Variants in DGKI observed in about 807,000 individuals in gnomAD.
The protein encoded by DGKI is DAG kinase iota.
DGKI carries 55 observed loss-of-function variants against 147.5 expected under a neutral mutation model. The ratio of observed to expected loss-of-function variants is 0.37; its 90% CI spans 0.30 to 0.47. The LOEUF is 0.47. DGKI is among the 20% of genes least tolerant of loss of function. The probability of loss-of-function intolerance (pLI) is 1.00; values close to 1 mark genes in which losing one functional copy is unlikely to be tolerated. For synonymous variants in DGKI, 469 were observed against 477.1 expected, an observed-to-expected ratio of 0.98 and a Z score of 0.22; for missense variants, 1,007 against 1,323.8, an observed-to-expected ratio of 0.76 and a Z score of 3.71.
intron 20 of DGKI, among the ~76,000 whole-genome samples, chr7:137,533,194 C>T (rs564997677): frequency 6.6e-6 from 1 of 151,978 alleles, no homozygotes; most frequent in South Asian, 2.1e-4. Context: ...GAGGCTGAGG[C>T]GGGAGGATCA....
chr7:137,527,215 C>T (rs1183368812), intron 20 of DGKI, among the ~76,000 whole-genome samples: 1 of 152,156 alleles, frequency 6.6e-6, no homozygotes, highest in Non-Finnish European at 1.5e-5. Flanking sequence ...ACCTTCCTGG[C>T]AAATAATAAG....
At chr7:137,535,466 G>A (rs1218464361) in intron 20 of DGKI, among the ~76,000 whole-genome samples, 2 of 151,824 alleles carry the variant, frequency 1.3e-5, no homozygotes, top group Admixed American at 6.6e-5. Flanking sequence ...TTTCATAAAT[G>A]TTTCCCCCTC....
At chr7:137,531,334 G>T (rs1478444581) in intron 20 of DGKI, among the ~76,000 whole-genome samples, 1 of 152,166 alleles carries the variant, frequency 6.6e-6, no homozygotes, top group Non-Finnish European at 1.5e-5. Context: ...TCCATGTAAT[G>T]AAGGTTTCCT....
At chr7:137,443,004 C>T (rs528665169) in intron 28 of DGKI, among the ~76,000 whole-genome samples, 3 of 152,188 alleles carry the variant, frequency 2.0e-5, no homozygotes, top group African/African-American at 7.2e-5. Flanking sequence ...AGCATCCTGT[C>T]AGAGAGAACA....
rs1052207681 is a variant in DGKI, at chr7:137,708,803, T to C, written c.402-18801A>G. 8.5e-5 allele frequency among the ~76,000 whole-genome samples: 13 copies of C among 152,064 alleles called. 1 individual carries two copies. Among genetic ancestry groups the C allele is most frequent in the Middle Eastern group, 3.4e-3 (1 of 294 alleles). ...AATGATGGGAATAAGTGGTAGAAAA[T>C]GGGAATGATGTTGATAGGGAAAGGC... On this transcript the variant is annotated intron_variant, in intron 1 of 32. Coordinates refer to ENST00000614521, the MANE Select transcript of DGKI (RefSeq NM_001321708.2).
chr7:137,444,639 C>A (rs1185154656), intron 27 of DGKI, among the ~76,000 whole-genome samples: 2 of 152,170 alleles, frequency 1.3e-5, no homozygotes. Context: ...GTCTCAGAAC[C>A]CGGGAGAAAC....
chr7:137,650,080 T>C (rs541508907), intron 5 of DGKI, among the ~76,000 whole-genome samples: 13 of 152,124 alleles, frequency 8.5e-5, no homozygotes, highest in African/African-American at 3.1e-4. Context: ...TCTGAATTAG[T>C]AGTAGTAAGA....
At chr7:137,664,537 G>C (rs947651640) in intron 3 of DGKI, among the ~76,000 whole-genome samples, 1 of 152,230 alleles carries the variant, frequency 6.6e-6, no homozygotes, top group African/African-American at 2.4e-5. Context: ...CTATCTGATA[G>C]AAGGGCTATT....
chr7:137,404,013 A>G (rs1811853340), intron 30 of DGKI, among the ~76,000 whole-genome samples: 1 of 152,182 alleles, frequency 6.6e-6, no homozygotes, highest in South Asian at 2.1e-4. Context: ...AGGATATTCC[A>G]GAGTTATCAT....
At chr7:137,440,222 G>A (rs1310585388) in intron 28 of DGKI, among the ~76,000 whole-genome samples, 1 of 152,194 alleles carries the variant, frequency 6.6e-6, no homozygotes, top group African/African-American at 2.4e-5. Flanking sequence ...ACAAGGAGTA[G>A]GGCTCCAGTT....
At chr7:137,439,086 C>T (rs1813393074) in intron 28 of DGKI, among the ~76,000 whole-genome samples, 1 of 152,198 alleles carries the variant, frequency 6.6e-6, no homozygotes. Flanking sequence ...CAAATTCCTA[C>T]AAATGTTTTA....
chr7:137,611,019 A>G (rs1368715453), intron 8 of DGKI, among the ~76,000 whole-genome samples: 2 of 152,084 alleles, frequency 1.3e-5, no homozygotes, highest in Non-Finnish European at 2.9e-5. Flanking sequence ...ATTCCTCATC[A>G]CTCACTGTTG....
chr7:137,397,726 G>T (rs1242481450), intron 30 of DGKI, among the ~76,000 whole-genome samples: 4 of 152,210 alleles, frequency 2.6e-5, no homozygotes, highest in Non-Finnish European at 5.9e-5. Context: ...TAACAAGGGA[G>T]AAAGGGGAAG....
intron 21 of DGKI, among the ~76,000 whole-genome samples, chr7:137,501,303 A>G (rs1258587962): frequency 1.3e-5 from 2 of 152,188 alleles, no homozygotes; most frequent in African/African-American, 4.8e-5. Context: ...CATCTTGACT[A>G]TTATGAATAC....
chr7:137,534,306 T>A (rs1817444781), intron 20 of DGKI, among the ~76,000 whole-genome samples: 1 of 152,094 alleles, frequency 6.6e-6, no homozygotes, highest in South Asian at 2.1e-4. Flanking sequence ...AACATTGCAG[T>A]TATAATGGTC....
chr7:137,566,901 CTCTTT>C (rs1255691511), intron 19 of DGKI, among the ~76,000 whole-genome samples: 1 of 104,994 alleles, frequency 9.5e-6, no homozygotes, highest in Non-Finnish European at 1.7e-5. Context: ...GAGATATTCT[CTCTTT>C]TATGTTTTCT....
intron 17 of DGKI, among the ~76,000 whole-genome samples, chr7:137,573,335 G>A (rs757421612): frequency 6.6e-6 from 1 of 152,112 alleles, no homozygotes; most frequent in Non-Finnish European, 1.5e-5. Context: ...ATATTTTGAA[G>A]ACTTTTTAAA....
intron 1 of DGKI, among the ~76,000 whole-genome samples, chr7:137,842,711 T>C (rs1221065803): frequency 6.6e-6 from 1 of 152,126 alleles, no homozygotes; most frequent in Admixed American, 6.5e-5. Flanking sequence ...TGCATGTAGG[T>C]GGTTTTGTTC....
intron 1 of DGKI, among the ~76,000 whole-genome samples, chr7:137,749,776 G>A (rs547369003): frequency 5.3e-5 from 8 of 152,192 alleles, no homozygotes; most frequent in South Asian, 4.2e-4. Context: ...TATGAGCACC[G>A]AGACTAGATC....
Sources: allele counts gnomAD v4.1 joint callset (sites outside exome capture counted in the v4.1 genomes callset), GRCh38; gene constraint gnomAD v4.1.1; transcripts MANE v1.5; gene names NCBI Gene and HGNC (gene_info 2026-07-23, HGNC 2026-07-21).